DCAKD: variants seen among roughly 807,000 people sequenced by gnomAD.
DCAKD encodes the protein dephospho-CoA kinase domain containing, also known as dephospho-CoA kinase domain-containing protein.
A neutral mutation model predicts 18.7 loss-of-function variants in DCAKD; 15 were observed. That is an observed-to-expected ratio of 0.80 (90% confidence interval 0.54 to 1.24). The LOEUF (loss-of-function observed/expected upper bound fraction) is 1.24. Ranked by LOEUF, DCAKD falls within the 50% of genes most tolerant of loss-of-function variation. DCAKD has a pLI of 0.00. For missense variants in DCAKD, 301 were observed against 322.0 expected (o/e 0.93, Z 0.50); for synonymous variants, 130 against 133.0 (o/e 0.98, Z 0.16).
upstream of DCAKD, among the ~76,000 whole-genome samples, chr17:45,055,482 C>G (rs1392633935): frequency 6.6e-6 from 1 of 151,978 alleles, no homozygotes; most frequent in Non-Finnish European, 1.5e-5. Flanking sequence ...CTCAAGTGAT[C>G]CTCCCATCTC....
rs57106886 is a variant in DCAKD, at chr17:45,049,713, CTTTTTTTTTTTTT to C, written c.-115+1635_-115+1647del. On this transcript the variant is annotated intron_variant, in intron 1 of 4. Transcript: ENST00000651974. The stretch of plus-strand genomic sequence containing the variant: ...AGCAGGTAATTTTCTTTTTCTTTTC[CTTTTTTTTTTTTT>C]TTTTTTTTTTGAAACAGAGTCTTGC... Among the ~76,000 whole-genome samples the C allele has an allele frequency of 4.1e-3, 457 of 111,900 alleles. 8 individuals are homozygous for C. The highest frequency in any genetic ancestry group is 0.02 in the Middle Eastern group (3 of 152). 73.4% of individuals were successfully genotyped at this position (111,900 alleles called of 152,430 possible). A position where few individuals can be genotyped will look rare whatever the true frequency, so the allele number is the denominator to read the frequency against.
intron 1 of DCAKD, among the ~76,000 whole-genome samples, chr17:45,035,448 T>C (rs1277573671): frequency 1.1e-5 from 1 of 92,188 alleles, no homozygotes; most frequent in Non-Finnish European, 2.2e-5. Context: ...ACCACTGCAC[T>C]GCAGCCGTGG....
At chr17:45,052,702 A>AC (rs896769800), upstream of DCAKD, among the ~76,000 whole-genome samples, 1 of 151,768 alleles carries the variant, frequency 6.6e-6, no homozygotes, top group Non-Finnish European at 1.5e-5. Flanking sequence ...CTACAAAAAA[A>AC]AAAAACAAAA....
At chr17:45,061,065 T>G in exon 1 of DCAKD, 1 of 1,247,092 alleles carries the variant, frequency 8.0e-7, no homozygotes, top group Non-Finnish European at 1.0e-6. Context: ...CAAGGGTCGG[T>G]CCCACCAACC....
chr17:45,055,360 ACGTT>A (rs1304390823), upstream of DCAKD, among the ~76,000 whole-genome samples: 37 of 124,726 alleles, frequency 3.0e-4, no homozygotes, highest in Non-Finnish European at 4.8e-4. Context: ...TATTTTCTGT[ACGTT>A]TATTTATTTA....
rs2053011129 is a variant in DCAKD at position 45,024,467 on chromosome 17, T to C, written c.662A>G (p.Tyr221Cys). Residue 221 changes from tyrosine to cysteine, a missense_variant, in exon 5 of 5, where the codon TAC (tyrosine) becomes TGC (cysteine). Tyr to Cys is a radical substitution (Grantham distance 194). Coordinates refer to ENST00000651974, the MANE Select transcript of DCAKD (RefSeq NM_001288655.2). ...TGLAAIASLL[Y>C]LLTHYLLPYA ...AGGCAGAAGGTAGTGGGTGAGCAGG[T>C]AGAGGAGGCTGGCAATGGCAGCGAG... 4 of 1,612,474 alleles carry C rather than the reference T, an allele frequency of 2.5e-6. No individual in the cohort carries two copies. The highest frequency in any genetic ancestry group is 2.7e-5 in the African/African-American group (2 of 74,828).
intron 1 of DCAKD, among the ~76,000 whole-genome samples, chr17:45,043,259 A>G (rs2053481252): frequency 6.6e-6 from 1 of 151,286 alleles, no homozygotes; most frequent in Non-Finnish European, 1.5e-5. Flanking sequence ...CTGTCTCCAA[A>G]AAAAAAAAAA....
At chr17:45,041,627 G>A (rs910198019) in intron 1 of DCAKD, among the ~76,000 whole-genome samples, 4 of 152,118 alleles carry the variant, frequency 2.6e-5, no homozygotes, top group East Asian at 1.9e-4. Flanking sequence ...GGCTCTTTTC[G>A]ACCCCAAAGC....
At chr17:45,060,657 G>A (rs1040567038) in intron 1 of DCAKD, among the ~76,000 whole-genome samples, 15 of 152,264 alleles carry the variant, frequency 9.9e-5, no homozygotes, top group African/African-American at 3.4e-4. Flanking sequence ...GGCGAGCCCT[G>A]CCTCCCTAGC....
rs1012131474 is a variant in DCAKD at position 45,051,587 on chromosome 17, T to C, written c.-341A>G. 1.3e-5 allele frequency: 2 copies of C among 151,200 alleles called. No individual in the cohort carries two copies. Among genetic ancestry groups the C allele is most frequent in the Non-Finnish European group, 2.9e-5 (2 of 67,798 alleles). The allele number at this position is 151,200 out of a possible 1,614,324, so 9.4% of individuals were successfully genotyped here. ...CCGCCGTGGCCCAGGCCTCCGCCTC[T>C]AGCCCAATCTCCGCAGCGCTTACAG... is the stretch of plus-strand genomic sequence containing the variant. On this transcript the variant is annotated 5_prime_UTR_variant, in exon 1 of 5. Transcript: ENST00000651974.
intron 1 of DCAKD, among the ~76,000 whole-genome samples, chr17:45,038,549 A>G (rs929806522): frequency 3.3e-5 from 5 of 152,220 alleles, no homozygotes; most frequent in Non-Finnish European, 2.9e-5. Flanking sequence ...CAAAGTAAGG[A>G]AGATGAATCT....
rs184774161 is a variant in DCAKD, at chr17:45,044,839, C to T, written c.-115+6522G>A. Among the ~76,000 whole-genome samples the T allele has an allele frequency of 5.6e-4, 85 of 152,342 alleles. 1 individual carries two copies. The East Asian group carries it at 0.013, about 23-fold the overall frequency. On this transcript the variant is annotated intron_variant, in intron 1 of 4. Transcript: ENST00000651974. ...AAGAACCACTAATCGCCAGGGTGATCAGTCCAAAGCATTTATAAGCATTCA... is the reference window on the plus strand; with the variant it reads ...AAGAACCACTAATCGCCAGGGTGATTAGTCCAAAGCATTTATAAGCATTCA...
intron 3 of DCAKD, among the ~76,000 whole-genome samples, chr17:45,033,388 CT>C (rs2053214247): frequency 6.6e-6 from 1 of 152,200 alleles, no homozygotes; most frequent in African/African-American, 2.4e-5. Flanking sequence ...AAACCTGCCC[CT>C]GACTGCAGTT....
At chr17:45,057,862 T>C (rs2053801437) in intron 1 of DCAKD, among the ~76,000 whole-genome samples, 1 of 149,346 alleles carries the variant, frequency 6.7e-6, no homozygotes, top group Non-Finnish European at 1.5e-5. Flanking sequence ...AGTACAAAAA[T>C]TAGCTGGGCG....
chr17:45,026,218 C>CT (rs1180056946), intron 4 of DCAKD, among the ~76,000 whole-genome samples: 18,143 of 109,082 alleles, frequency 0.17, 1,660 homozygotes, highest in Middle Eastern at 0.23. Context: ...CGCGCCTGGA[C>CT]TTTTTTTTTT....
intron 4 of DCAKD, among the ~76,000 whole-genome samples, chr17:45,029,274 A>G (rs1239650515): frequency 6.6e-6 from 1 of 152,200 alleles, no homozygotes; most frequent in Admixed American, 6.5e-5. Context: ...CCCAGGGGGA[A>G]AGGCAGGGGG....
intron 3 of DCAKD, among the ~76,000 whole-genome samples, chr17:45,030,530 G>C (rs1202342872): frequency 6.6e-6 from 1 of 152,256 alleles, no homozygotes; most frequent in Non-Finnish European, 1.5e-5. Flanking sequence ...GCGGGCTGAA[G>C]CAGAGGCCTC....
intron 1 of DCAKD, among the ~76,000 whole-genome samples, chr17:45,040,387 CAAAA>C (rs34624870): frequency 2.5e-5 from 2 of 80,324 alleles, no homozygotes. Context: ...GACTCCATCT[CAAAA>C]AAAAAAAAAA....
intron 1 of DCAKD, among the ~76,000 whole-genome samples, chr17:45,057,776 C>T (rs1567856105): frequency 6.6e-6 from 1 of 151,064 alleles, no homozygotes; most frequent in Non-Finnish European, 1.5e-5. Flanking sequence ...TTTGGGAGAG[C>T]GAGGTGGGCG....
Sources: gnomAD v4.1 joint callset for allele counts (sites outside exome capture counted in the v4.1 genomes callset) on GRCh38, gnomAD v4.1.1 for gene constraint, MANE v1.5 for transcripts, NCBI Gene and HGNC (gene_info 2026-07-23, HGNC 2026-07-21) for gene names.